The following CALN1 variants were observed in gnomAD, a reference collection of about 807,000 sequenced individuals.
CALN1 encodes the protein calcium-binding protein 8.
In CALN1, 17 loss-of-function variants were observed where a neutral mutation model predicts 30.6. That is an observed-to-expected ratio of 0.56 (90% CI 0.38 to 0.83). CALN1 has a LOEUF of 0.83. CALN1 is among the 40% of genes least tolerant of loss of function. The probability of loss-of-function intolerance (pLI) is 0.00; values close to 1 mark genes in which losing one functional copy is unlikely to be tolerated. For synonymous variants in CALN1, 156 were observed against 131.4 expected, an observed-to-expected ratio of 1.19 and a Z score of -1.28; for missense variants, 291 against 354.9, an observed-to-expected ratio of 0.82 and a Z score of 1.45.
chr7:71,982,424 G>C (rs1798448297), intron 5 of CALN1, among the ~76,000 whole-genome samples: 1 of 152,146 alleles, frequency 6.6e-6, no homozygotes, highest in South Asian at 2.1e-4. Flanking sequence ...GCAAAACCCT[G>C]TCTCTACTAA....
chr7:72,477,408 C>T, the CALN1 span, among the ~76,000 whole-genome samples: 1 of 152,082 alleles, frequency 6.6e-6, no homozygotes, highest in African/African-American at 2.4e-5. Context: ...CCGCCACCTT[C>T]TCCTTACCCC....
chr7:72,503,230 G>C, the CALN1 span, among the ~76,000 whole-genome samples: 2 of 152,156 alleles, frequency 1.3e-5, no homozygotes, highest in East Asian at 3.8e-4. Flanking sequence ...GGGCTGGGAC[G>C]CTAGCACTAT....
chr7:72,310,373 A>T (rs1799957193), intron 2 of CALN1, among the ~76,000 whole-genome samples: 1 of 149,322 alleles, frequency 6.7e-6, no homozygotes, highest in African/African-American at 2.5e-5. Flanking sequence ...TAATGCATCC[A>T]GCTCTTGGCA....
At chr7:71,846,946 T>C (rs1246536613) in intron 5 of CALN1, among the ~76,000 whole-genome samples, 2 of 146,592 alleles carry the variant, frequency 1.4e-5, no homozygotes, top group Non-Finnish European at 3.0e-5. Context: ...TATATGTATA[T>C]ATACATATAT....
At position 72,435,507 on chromosome 7, in the gene CALN1, G is replaced by C. The variant is rs185506482; in HGVS notation, c.-226+11535C>G. 4.1e-3 allele frequency among the ~76,000 whole-genome samples: 620 copies of C among 152,272 alleles called. 3 individuals carry two copies. Among genetic ancestry groups the C allele is most frequent in the African/African-American group, 0.012 (505 of 41,538 alleles). On this transcript the variant is annotated intron_variant, in intron 1 of 6. Transcript: ENST00000395276. ...CGGCCTGCGGGGGCCTCCTGGAAGTGGACAGATGGGTTTCCTTCCCCTGGG... is the reference window on the plus strand; with the variant it reads ...CGGCCTGCGGGGGCCTCCTGGAAGTCGACAGATGGGTTTCCTTCCCCTGGG...
intron 5 of CALN1, among the ~76,000 whole-genome samples, chr7:71,884,623 T>A (rs1235453673): frequency 6.6e-6 from 1 of 151,768 alleles, no homozygotes; most frequent in East Asian, 1.9e-4. Flanking sequence ...TTGCGCAAAT[T>A]CCCAGTTAAG....
intron 1 of CALN1, among the ~76,000 whole-genome samples, chr7:72,421,033 G>C (rs1290969401): frequency 3.9e-5 from 6 of 152,114 alleles, no homozygotes; most frequent in Non-Finnish European, 8.8e-5. Flanking sequence ...ACCCGGGCAG[G>C]TTCTTACTGC....
At chr7:71,897,516 C>T (rs1027341705) in intron 5 of CALN1, among the ~76,000 whole-genome samples, 1 of 152,064 alleles carries the variant, frequency 6.6e-6, no homozygotes, top group Non-Finnish European at 1.5e-5. Context: ...AAAATTTCAC[C>T]TTGAGCCTCT....
chr7:72,140,737 C>T (rs147477937), intron 3 of CALN1, among the ~76,000 whole-genome samples: 11 of 152,274 alleles, frequency 7.2e-5, no homozygotes, highest in African/African-American at 2.4e-4. Context: ...TTGGCAGGGC[C>T]CTGGAACCAA....
chr7:71,887,373 G>A (rs1039516778), intron 5 of CALN1, among the ~76,000 whole-genome samples: 4 of 152,130 alleles, frequency 2.6e-5, no homozygotes, highest in Admixed American at 1.3e-4. Context: ...TCGGCTTACC[G>A]CAACCTCCAC....
intron 5 of CALN1, among the ~76,000 whole-genome samples, chr7:72,011,023 C>A (rs1438614141): frequency 6.6e-6 from 1 of 151,210 alleles, no homozygotes; most frequent in Non-Finnish European, 1.5e-5. Context: ...CGTGTTGGCA[C>A]GCACCTGTAG....
chr7:72,241,479 G>T lies in CALN1; in HGVS notation c.244+37207C>A, dbSNP rs532061609. Among the ~76,000 whole-genome samples the T allele has an allele frequency of 5.4e-4, 82 of 152,244 alleles. 2 individuals carry two copies. The South Asian group carries it at 0.015, about 27-fold the overall frequency. ...CCCAGCACTTTTGGAGGCCAAGGCG[G>T]GCAGATCACCTGAGGTCAGGAGTTC... On this transcript the variant is annotated intron_variant, in intron 3 of 6. Transcript: ENST00000395275.
At chr7:72,023,878 T>C (rs844786) in intron 4 of CALN1, 109 bp from the exon 5 acceptor site, 5 of 668,252 alleles carry the variant, frequency 7.5e-6, no homozygotes, top group Non-Finnish European at 1.3e-5. Context: ...CCTCAATCAA[T>C]GAAGAAGAGC....
At chr7:72,109,467 G>A (rs1807406824) in intron 3 of CALN1, among the ~76,000 whole-genome samples, 1 of 152,146 alleles carries the variant, frequency 6.6e-6, no homozygotes, top group South Asian at 2.1e-4. Flanking sequence ...TTAATCTGCT[G>A]TTCAACACCT....
intron 2 of CALN1, among the ~76,000 whole-genome samples, chr7:72,372,712 C>G (rs1424569580): frequency 1.3e-5 from 2 of 152,252 alleles, no homozygotes; most frequent in Non-Finnish European, 1.5e-5. Flanking sequence ...GGAACCATAA[C>G]CAACATAAAA....
At chr7:71,870,662 C>G (rs1791869947) in intron 5 of CALN1, among the ~76,000 whole-genome samples, 1 of 152,036 alleles carries the variant, frequency 6.6e-6, no homozygotes, top group South Asian at 2.1e-4. Context: ...AGGAGAACAA[C>G]AAGCTCCATT....
At chr7:71,990,654 T>C (rs1395988654) in intron 5 of CALN1, among the ~76,000 whole-genome samples, 1 of 152,106 alleles carries the variant, frequency 6.6e-6, no homozygotes, top group Non-Finnish European at 1.5e-5. Context: ...GGTTTCACCA[T>C]GTTGGCCAGG....
chr7:71,805,828 T>C (rs971090260), intron 6 of CALN1, among the ~76,000 whole-genome samples: 1 of 152,174 alleles, frequency 6.6e-6, no homozygotes, highest in Admixed American at 6.5e-5. Context: ...TCCTAGATCT[T>C]TGAGGAATTG....
intron 5 of CALN1, among the ~76,000 whole-genome samples, chr7:71,971,156 A>G (rs755304483): frequency 3.9e-5 from 6 of 152,218 alleles, no homozygotes; most frequent in Admixed American, 6.5e-5. Context: ...GAGGCCAAAG[A>G]AAGGAGATGA....
Sources: allele counts gnomAD v4.1 joint callset (sites outside exome capture counted in the v4.1 genomes callset), GRCh38; gene constraint gnomAD v4.1.1; transcripts MANE v1.5; gene names NCBI Gene and HGNC (gene_info 2026-07-23, HGNC 2026-07-21).